Variants in GRIK2 observed in about 807,000 individuals in gnomAD.
GRIK2 encodes the protein glutamate receptor ionotropic, kainate 2.
GRIK2 carries 32 observed loss-of-function variants against 100.3 expected under a neutral mutation model. That is an observed-to-expected ratio of 0.32 (90% CI 0.24 to 0.43). GRIK2 has a LOEUF of 0.43. Ranked by LOEUF, GRIK2 falls within the 20% of genes least tolerant of loss-of-function variation. The pLI, the probability that GRIK2 is intolerant of heterozygous loss-of-function variation, is 1.00. For synonymous variants in GRIK2, 417 were observed against 389.4 expected (o/e 1.07, Z -0.83); for missense variants, 843 against 1,114.9 (o/e 0.76, Z 3.47).
intron 2 of GRIK2, among the ~76,000 whole-genome samples, chr6:101,416,008 C>A (rs1432230555): frequency 2.0e-5 from 3 of 152,154 alleles, no homozygotes; most frequent in Non-Finnish European, 4.4e-5. Flanking sequence ...ATCAATCAAT[C>A]AATCATTTAA....
intron 2 of GRIK2, among the ~76,000 whole-genome samples, chr6:101,455,067 T>G (rs1014852751): frequency 1.3e-5 from 2 of 152,068 alleles, no homozygotes; most frequent in Non-Finnish European, 2.9e-5. Context: ...CCTACTGGAT[T>G]TGGTTATAAC....
At chr6:101,944,402 A>T (rs2128476768) in intron 14 of GRIK2, among the ~76,000 whole-genome samples, 1 of 152,276 alleles carries the variant, frequency 6.6e-6, no homozygotes, top group South Asian at 2.1e-4. Context: ...TGTTAATATT[A>T]TTTAGTGTAT....
chr6:101,707,660 T>G (rs1345471032), intron 7 of GRIK2, among the ~76,000 whole-genome samples: 1 of 147,040 alleles, frequency 6.8e-6, no homozygotes, highest in Non-Finnish European at 1.5e-5. Context: ...GAAAGTAAAA[T>G]TCTGCAAGCG....
chr6:101,983,419 G>A (rs1047503433), intron 14 of GRIK2, among the ~76,000 whole-genome samples: 3 of 151,630 alleles, frequency 2.0e-5, no homozygotes, highest in Non-Finnish European at 3.0e-5. Context: ...TCTAATCACC[G>A]GTTTTTTATT....
chr6:101,521,471 T>C, intron 2 of GRIK2, among the ~76,000 whole-genome samples: 1 of 151,966 alleles, frequency 6.6e-6, no homozygotes, highest in East Asian at 1.9e-4. Context: ...ATTTGTGGTC[T>C]TTTGTTATGT....
intron 10 of GRIK2, among the ~76,000 whole-genome samples, chr6:101,831,137 AACAC>A (rs2128428044): frequency 6.6e-6 from 1 of 152,252 alleles, no homozygotes; most frequent in South Asian, 2.1e-4. Context: ...TTAAAAATAA[AACAC>A]AAACTCTAGA....
At chr6:101,805,177 C>A (rs1780917279) in intron 9 of GRIK2, among the ~76,000 whole-genome samples, 1 of 151,806 alleles carries the variant, frequency 6.6e-6, no homozygotes, top group South Asian at 2.1e-4. Context: ...AGCATCCCTA[C>A]CCTGATGGAA....
At chr6:101,491,313 C>T (rs542101734) in intron 2 of GRIK2, among the ~76,000 whole-genome samples, 1 of 150,082 alleles carries the variant, frequency 6.7e-6, no homozygotes, top group Admixed American at 6.7e-5. Flanking sequence ...CAAAAGAAAC[C>T]TCACATTCAT....
rs1435174599 is a variant in GRIK2 at position 101,953,032 on chromosome 6, C to T, written c.2085+24400C>T. On this transcript the variant is annotated intron_variant, in intron 14 of 16. Transcript: ENST00000369134. ...TCTTAGTCTGAATATTTAATGTAAA[C>T]AGTGATATAGAATAAATGCTCTTTG... Among the ~76,000 whole-genome samples, 4 of 152,160 alleles carry T rather than the reference C, an allele frequency of 2.6e-5. No homozygotes were observed. In the South Asian group the frequency reaches 8.3e-4, roughly 32 times the overall value.
At chr6:101,473,960 A>G (rs181222532) in intron 2 of GRIK2, among the ~76,000 whole-genome samples, 1 of 151,958 alleles carries the variant, frequency 6.6e-6, no homozygotes, top group East Asian at 1.9e-4. Context: ...TGATTTTTAA[A>G]AAACCTGCTG....
In GRIK2 at chr6:101,626,630, C is replaced by T. The variant is rs1399229423; in HGVS notation, c.534C>T (p.Asp178=). 6.2e-7 allele frequency: 1 copy of T among 1,613,266 alleles called. No homozygotes were observed. Among genetic ancestry groups the T allele is most frequent in the South Asian group, 1.1e-5 (1 of 91,064 alleles). The change falls in exon 4 of 17, where the codon GAC becomes GAT. Residue 178 remains aspartate, a synonymous_variant. Transcript: ENST00000369134. ...AAACCGTCACGGTTGTGTATGATGA[C>T]AGCACTGGTAAGAAAAATCAGTATC... ...KWKTVTVVYD[D]STGLIRLQEL...
chr6:101,573,991 G>A (rs1488121737), intron 2 of GRIK2, among the ~76,000 whole-genome samples: 7 of 151,678 alleles, frequency 4.6e-5, no homozygotes, highest in Non-Finnish European at 1.0e-4. Context: ...TAACTTGCAC[G>A]CAGTTACCAT....
At chr6:101,686,453 A>G in intron 7 of GRIK2, 100 bp downstream of exon 7, 1 of 817,478 alleles carries the variant, frequency 1.2e-6, no homozygotes, top group Non-Finnish European at 1.9e-6. Flanking sequence ...CTTCAGTTTA[A>G]TTGTTTGACA....
chr6:101,453,079 A>G (rs995021914), intron 2 of GRIK2, among the ~76,000 whole-genome samples: 1 of 151,926 alleles, frequency 6.6e-6, no homozygotes, highest in Non-Finnish European at 1.5e-5. Flanking sequence ...TACATATTAA[A>G]GTTTTCAAAA....
chr6:101,402,114 G>A (rs1415185354), intron 2 of GRIK2, among the ~76,000 whole-genome samples: 1 of 152,104 alleles, frequency 6.6e-6, no homozygotes, highest in African/African-American at 2.4e-5. Context: ...TGCGAGGTGA[G>A]GGGCAGCCCC....
chr6:101,486,679 C>G (rs1033700198), intron 2 of GRIK2, among the ~76,000 whole-genome samples: 2 of 148,372 alleles, frequency 1.3e-5, no homozygotes, highest in African/African-American at 5.1e-5. Flanking sequence ...TTCCACTTTT[C>G]AACATCAATA....
chr6:101,839,761 T>C (rs997778938), intron 10 of GRIK2, among the ~76,000 whole-genome samples: 2 of 152,110 alleles, frequency 1.3e-5, no homozygotes, highest in African/African-American at 4.8e-5. Context: ...ATGAAGAATA[T>C]ATCATTTGCA....
At chr6:101,514,489 G>T (rs1046633719) in intron 2 of GRIK2, among the ~76,000 whole-genome samples, 5 of 152,106 alleles carry the variant, frequency 3.3e-5, no homozygotes, top group African/African-American at 1.2e-4. Flanking sequence ...ATTTTTTAAA[G>T]AACTCATTTA....
At chr6:101,424,206 A>T (rs144660647) in intron 2 of GRIK2, among the ~76,000 whole-genome samples, 3,988 of 152,038 alleles carry the variant, frequency 0.026, 191 homozygotes, top group African/African-American at 0.092. Flanking sequence ...TTTAGGGTAC[A>T]TGTACACAAC....
Sources: gnomAD v4.1 joint callset for allele counts (sites outside exome capture counted in the v4.1 genomes callset) on GRCh38, gnomAD v4.1.1 for gene constraint, MANE v1.5 for transcripts, NCBI Gene and HGNC (gene_info 2026-07-23, HGNC 2026-07-21) for gene names.